Variants in NRG3 observed in about 807,000 individuals in gnomAD.
NRG3 encodes neuregulin 3.
NRG3 carries 31 observed loss-of-function variants against 66.9 expected under a neutral mutation model. The ratio of observed to expected loss-of-function variants is 0.46; its 90% CI spans 0.35 to 0.63. The LOEUF is 0.63. Ranked by LOEUF, NRG3 falls within the 20% of genes least tolerant of loss-of-function variation. The pLI is 0.00. For missense variants in NRG3, 910 were observed against 878.9 expected, an observed-to-expected ratio of 1.04 and a Z score of -0.45; for synonymous variants, 393 against 359.4, an observed-to-expected ratio of 1.09 and a Z score of -1.06.
intron 2 of NRG3, among the ~76,000 whole-genome samples, chr10:82,525,119 A>G (rs1049863228): frequency 2.6e-5 from 4 of 151,962 alleles, no homozygotes; most frequent in Non-Finnish European, 5.9e-5. Context: ...TCAATAACAA[A>G]AAGGATGGGC....
chr10:82,354,517 A>T (rs2083654332), intron 1 of NRG3, among the ~76,000 whole-genome samples: 1 of 151,742 alleles, frequency 6.6e-6, no homozygotes, highest in African/African-American at 2.4e-5. Context: ...CAGCCTTCCA[A>T]GTAACTGTGA....
chr10:82,347,346 G>A (rs1374491564), intron 1 of NRG3, among the ~76,000 whole-genome samples: 1 of 151,906 alleles, frequency 6.6e-6, no homozygotes, highest in East Asian at 1.9e-4. Flanking sequence ...TTCAGGAGCA[G>A]GTTGTTCAGT....
At chr10:82,790,447 A>G (rs1045481689) in intron 3 of NRG3, among the ~76,000 whole-genome samples, 2 of 152,018 alleles carry the variant, frequency 1.3e-5, no homozygotes, top group Non-Finnish European at 2.9e-5. Flanking sequence ...GCCTGCTACT[A>G]ATCTCGTTGG....
At chr10:82,709,084 T>G (rs1332352236) in intron 2 of NRG3, among the ~76,000 whole-genome samples, 4 of 152,194 alleles carry the variant, frequency 2.6e-5, no homozygotes, top group Non-Finnish European at 5.9e-5. Context: ...CTCTTCTCCC[T>G]ATACCTTTAG....
intron 1 of NRG3, chr10:81,877,831 C>A: frequency 6.9e-7 from 1 of 1,449,602 alleles, no homozygotes; most frequent in South Asian, 1.4e-5. Context: ...CTCAACAAAT[C>A]TAGCTTGTGT....
chr10:81,984,082 C>T (rs1449440080), intron 1 of NRG3, among the ~76,000 whole-genome samples: 1 of 152,140 alleles, frequency 6.6e-6, no homozygotes, highest in African/African-American at 2.4e-5. Flanking sequence ...GGAATATAGG[C>T]AGCCACTAAA....
intron 3 of NRG3, 81 bp from the exon 4 acceptor site, chr10:82,865,330 C>T (rs894867429): frequency 6.3e-6 from 9 of 1,430,434 alleles, no homozygotes; most frequent in Non-Finnish European, 8.8e-6. Flanking sequence ...GTCTTATGAG[C>T]ACTGATTTCC....
intron 1 of NRG3, among the ~76,000 whole-genome samples, chr10:82,119,632 A>G (rs1022810404): frequency 6.6e-6 from 1 of 152,110 alleles, no homozygotes; most frequent in Non-Finnish European, 1.5e-5. Context: ...TAAGTTCTAA[A>G]CTTATGAGAT....
At chr10:82,684,457 C>G (rs2054349468) in intron 2 of NRG3, among the ~76,000 whole-genome samples, 1 of 152,062 alleles carries the variant, frequency 6.6e-6, no homozygotes, top group South Asian at 2.1e-4. Flanking sequence ...GAAACCTTCC[C>G]TTCCAATGCC....
chr10:82,125,396 C>G (rs1169379496), intron 1 of NRG3, among the ~76,000 whole-genome samples: 1 of 151,930 alleles, frequency 6.6e-6, no homozygotes, highest in Non-Finnish European at 1.5e-5. Flanking sequence ...AGTCTATAAA[C>G]CTGAAATAAA....
chr10:82,351,054 G>T (rs1478246889), intron 1 of NRG3, among the ~76,000 whole-genome samples: 2 of 152,096 alleles, frequency 1.3e-5, no homozygotes, highest in Non-Finnish European at 2.9e-5. Context: ...ACCATGCCTG[G>T]CTAATTTTTT....
intron 1 of NRG3, among the ~76,000 whole-genome samples, chr10:82,251,365 A>G (rs1476041649): frequency 6.6e-6 from 1 of 152,136 alleles, no homozygotes; most frequent in African/African-American, 2.4e-5. Context: ...TATCCTCTAA[A>G]GCCATTGTCC....
intron 2 of NRG3, among the ~76,000 whole-genome samples, chr10:82,736,899 C>A (rs1431874447): frequency 6.6e-6 from 1 of 152,148 alleles, no homozygotes; most frequent in Non-Finnish European, 1.5e-5. Flanking sequence ...AAAGTGAATG[C>A]ATACAATAGC....
intron 3 of NRG3, among the ~76,000 whole-genome samples, chr10:82,847,833 G>T (rs1422949931): frequency 2.0e-5 from 3 of 152,144 alleles, no homozygotes; most frequent in Non-Finnish European, 4.4e-5. Context: ...TAAGCTCACA[G>T]AATTCGACAA....
intron 3 of NRG3, among the ~76,000 whole-genome samples, chr10:82,797,993 T>A (rs189625283): frequency 2.0e-5 from 3 of 152,328 alleles, no homozygotes; most frequent in African/African-American, 7.2e-5. Flanking sequence ...AAAATATTTT[T>A]AAATACCCTT....
chr10:82,386,981 G>A (rs1030590993), intron 2 of NRG3, among the ~76,000 whole-genome samples: 4 of 152,058 alleles, frequency 2.6e-5, no homozygotes, highest in Non-Finnish European at 5.9e-5. Context: ...TGTATTTTTA[G>A]TAGATATGGG....
chr10:82,025,170 A>G (rs946123154), intron 1 of NRG3, among the ~76,000 whole-genome samples: 4 of 151,652 alleles, frequency 2.6e-5, no homozygotes, highest in South Asian at 4.1e-4. Context: ...TGAAAAATCT[A>G]TTTCTAACTT....
chr10:82,908,814 C>G (rs1442090838), intron 4 of NRG3, among the ~76,000 whole-genome samples: 2 of 149,462 alleles, frequency 1.3e-5, no homozygotes, highest in Non-Finnish European at 3.0e-5. Context: ...TGTGTTTGGA[C>G]ATACTCTGGG....
chr10:82,667,693 G>A (rs897436465), intron 2 of NRG3, among the ~76,000 whole-genome samples: 1 of 152,142 alleles, frequency 6.6e-6, no homozygotes, highest in Non-Finnish European at 1.5e-5. Context: ...TGTCAAGAAT[G>A]TCAGAATCCT....
Sources: allele counts gnomAD v4.1 joint callset (sites outside exome capture counted in the v4.1 genomes callset), GRCh38; gene constraint gnomAD v4.1.1; transcripts MANE v1.5; gene names NCBI Gene and HGNC (gene_info 2026-07-23, HGNC 2026-07-21).